KDM2B: variants seen among roughly 807,000 people sequenced by gnomAD.
KDM2B encodes lysine demethylase 2B, also known as lysine-specific demethylase 2B.
Under a neutral mutation model 150.0 loss-of-function variants are expected in KDM2B, and 26 were observed. That is an observed-to-expected ratio of 0.17 (90% CI 0.13 to 0.24). The LOEUF is 0.24. KDM2B is among the 10% of genes least tolerant of loss of function. The pLI, the probability that KDM2B is intolerant of heterozygous loss-of-function variation, is 1.00. For missense variants in KDM2B, 1,265 were observed against 1,816.9 expected (o/e 0.70, Z 5.52); for synonymous variants, 734 against 729.5 (o/e 1.01, Z -0.10).
At chr12:121,547,788 G>A (rs898142434) in intron 6 of KDM2B, among the ~76,000 whole-genome samples, 3 of 151,614 alleles carry the variant, frequency 2.0e-5, no homozygotes, top group Non-Finnish European at 2.9e-5. Flanking sequence ...AATTACAGGC[G>A]TGCACCACCA....
intron 12 of KDM2B, among the ~76,000 whole-genome samples, chr12:121,480,151 G>GT (rs1555297572): frequency 6.7e-6 from 1 of 149,610 alleles, no homozygotes; most frequent in Admixed American, 6.6e-5. Context: ...AATGTCCAGG[G>GT]AGGCGGGCAA....
At chr12:121,580,553 C>A in intron 1 of KDM2B, 1 of 971,934 alleles carries the variant, frequency 1.0e-6, no homozygotes, top group Non-Finnish European at 1.4e-6. Context: ...GCGGCGGGCG[C>A]ATCCCGGAGA....
At chr12:121,475,710 A>C (rs1881284854) in intron 12 of KDM2B, among the ~76,000 whole-genome samples, 1 of 152,030 alleles carries the variant, frequency 6.6e-6, no homozygotes, top group African/African-American at 2.4e-5. Context: ...CCTGGGCAAC[A>C]TGGCAAGACC....
At chr12:121,436,480 A>T (rs1476679812) in intron 22 of KDM2B, among the ~76,000 whole-genome samples, 1 of 151,500 alleles carries the variant, frequency 6.6e-6, no homozygotes, top group African/African-American at 2.4e-5. Context: ...GAGATCGCGC[A>T]ATTGCACTCC....
chr12:121,506,294 G>T (rs1401880291), intron 11 of KDM2B, among the ~76,000 whole-genome samples: 1 of 152,084 alleles, frequency 6.6e-6, no homozygotes, highest in Non-Finnish European at 1.5e-5. Flanking sequence ...ACTGCAGCAG[G>T]CCTCAAAATC....
In KDM2B at chr12:121,457,787, T is replaced by C. The variant is rs138012203; in HGVS notation, c.1735-4443A>G. On this transcript the variant is annotated intron_variant, in intron 12 of 22. Transcript: ENST00000377071. ...ACACACACACACACAAATATCTTGG[T>C]ATTCCTACACCTCTTCTCCATCAGC... is the stretch of plus-strand genomic sequence containing the variant. Among the ~76,000 whole-genome samples, 10 of 151,662 alleles carry C rather than the reference T, an allele frequency of 6.6e-5. No individual in the cohort carries two copies. In the East Asian group the frequency reaches 1.9e-3, roughly 29 times the overall value.
intron 2 of KDM2B, among the ~76,000 whole-genome samples, chr12:121,578,145 C>A (rs1555317131): frequency 6.6e-6 from 1 of 152,222 alleles, no homozygotes; most frequent in East Asian, 1.9e-4. Flanking sequence ...GACCCCAATT[C>A]TTGGCTTCAA....
At chr12:121,576,364 C>A (rs1891491407) in intron 2 of KDM2B, among the ~76,000 whole-genome samples, 1 of 152,104 alleles carries the variant, frequency 6.6e-6, no homozygotes, top group Non-Finnish European at 1.5e-5. Flanking sequence ...ATTGTAATAT[C>A]CTGCATAGTG....
intron 12 of KDM2B, among the ~76,000 whole-genome samples, chr12:121,455,772 C>A (rs1342292936): frequency 2.0e-5 from 3 of 152,202 alleles, no homozygotes; most frequent in African/African-American, 7.2e-5. Context: ...CTCGCATAGT[C>A]CCACTGCGAT....
chr12:121,505,169 C>T (rs1884954403), intron 11 of KDM2B, among the ~76,000 whole-genome samples: 1 of 149,844 alleles, frequency 6.7e-6, no homozygotes, highest in South Asian at 2.1e-4. Context: ...GCCTGTAATT[C>T]CAGCTACTCG....
Position 121,521,142 on chromosome 12 carries a change from T to C in KDM2B, c.932-42A>G. 1.4e-6 allele frequency: 2 copies of C among 1,401,522 alleles called. No individual in the cohort carries two copies. The highest frequency in any genetic ancestry group is 2.0e-6 in the Non-Finnish European group (2 of 989,322). The allele number at this position is 1,401,522 out of a possible 1,614,324, so 86.8% of individuals were successfully genotyped here. A position where few individuals can be genotyped will look rare whatever the true frequency, so the allele number is the denominator to read the frequency against. Reference sequence around the variant, plus strand: ...AAGGAGAGGATGAGCCGCTGGCCCCTGTGGGCTCCCACACCTCACAAGGCT... The same window carrying C: ...AAGGAGAGGATGAGCCGCTGGCCCCCGTGGGCTCCCACACCTCACAAGGCT... On this transcript the variant is annotated intron_variant, in intron 8 of 22. Transcript: ENST00000377071. The surrounding 1 kb of genome is among the most constrained non-coding windows in gnomAD (Gnocchi z 4.9).
At chr12:121,516,934 G>C (rs1235568587) in intron 9 of KDM2B, 1 of 633,472 alleles carries the variant, frequency 1.6e-6, no homozygotes, top group South Asian at 1.8e-5. Context: ...GGAGAGGGAA[G>C]GTAAATTATT....
intron 12 of KDM2B, among the ~76,000 whole-genome samples, chr12:121,471,441 C>T (rs1441341137): frequency 6.6e-6 from 1 of 152,110 alleles, no homozygotes; most frequent in Non-Finnish European, 1.5e-5. Context: ...TTCTGATCTG[C>T]CTATCAGAGA....
chr12:121,580,268 TC>T (rs1891865656), intron 1 of KDM2B: 2 of 1,157,674 alleles, frequency 1.7e-6, no homozygotes, highest in Non-Finnish European at 2.1e-6. Context: ...GGGGGAGGCG[TC>T]GACGTCATAA....
At chr12:121,423,182 C>G in the KDM2B span, among the ~76,000 whole-genome samples, 1 of 152,094 alleles carries the variant, frequency 6.6e-6, no homozygotes, top group East Asian at 1.9e-4. The surrounding 1 kb of genome is among the most constrained non-coding windows in gnomAD (Gnocchi z 4.3). Flanking sequence ...TTTACAAAAC[C>G]CTGAGGTATA....
At position 121,442,170 on chromosome 12, in the gene KDM2B, T is replaced by A. The variant is rs782189187; in HGVS notation, c.3271A>T (p.Thr1091Ser). ...DLCVCMRVCR[T>S]WNRWCCDKRL... ...GCCGCCGCTCACCAGCGGTTCCAGG[T>A]CCTGCAGACCCGCATGCACACACAC... Residue 1091 changes from threonine (T) to serine (S), a missense_variant, in exon 19 of 23, where the codon ACC (threonine) becomes TCC (serine). Around this residue, in one of 11 missense-constraint regions of KDM2B, gnomAD observed 251 missense variants for 397.8 expected, o/e 0.63. Transcript: ENST00000377071. This position sits in a 1 kb window ranked among gnomAD's most constrained non-coding sequence, Gnocchi z 7.7. 2 of 1,613,122 alleles carry A rather than the reference T, an allele frequency of 1.2e-6. No homozygotes were observed. The highest frequency in any genetic ancestry group is 3.3e-5 in the Admixed American group (2 of 59,988).
chr12:121,464,636 G>A (rs901967384), intron 12 of KDM2B, among the ~76,000 whole-genome samples: 5 of 152,222 alleles, frequency 3.3e-5, no homozygotes, highest in Admixed American at 1.3e-4. Context: ...AGAGATGGAC[G>A]GGGCAGCAGC....
intron 12 of KDM2B, among the ~76,000 whole-genome samples, chr12:121,478,497 C>T (rs1593887164): frequency 1.3e-5 from 2 of 151,034 alleles, no homozygotes; most frequent in African/African-American, 4.9e-5. Flanking sequence ...GTAGCTGAGA[C>T]TACAGGCTCC....
intron 4 of KDM2B, among the ~76,000 whole-genome samples, chr12:121,562,706 A>T (rs1284243747): frequency 7.0e-5 from 10 of 141,988 alleles, no homozygotes; most frequent in Admixed American, 6.4e-4. Flanking sequence ...GAGAGGGGGG[A>T]GGAGGAGGGG....
Sources: gnomAD v4.1 joint callset for allele counts (sites outside exome capture counted in the v4.1 genomes callset) on GRCh38, gnomAD v4.1.1 for gene constraint, gnomAD v4.1.1 regional missense constraint, Gnocchi (gnomAD v3.1) non-coding constraint, MANE v1.5 for transcripts, NCBI Gene and HGNC (gene_info 2026-07-23, HGNC 2026-07-21) for gene names.